The following MEIS3 variants were observed in gnomAD, a reference collection of about 807,000 sequenced individuals.
The protein encoded by MEIS3 is Meis homeobox 3.
Under a neutral mutation model 51.4 loss-of-function variants are expected in MEIS3, and 38 were observed. The observed-to-expected ratio is 0.74, with a 90% confidence interval of 0.57 to 0.97. MEIS3 has a LOEUF of 0.97. Among genes scored for constraint, MEIS3 ranks in the 50% least tolerant of loss-of-function variants. The pLI is 0.00. For missense variants in MEIS3, 456 were observed against 502.6 expected, an observed-to-expected ratio of 0.91 and a Z score of 0.89; for synonymous variants, 198 against 201.8, an observed-to-expected ratio of 0.98 and a Z score of 0.16.
Position 47,406,478 on chromosome 19 carries a change from T to C in MEIS3, c.1127A>G (p.Ter376TrpextTer12), listed in dbSNP as rs1416069067. ...LNLEGEWHYL* is the reference protein window; with the variant it reads ...LNLEGEWHYLW ...CTCACACCTCTCCTGCATCAGCCTC[T>C]ATAGATAATGCCATTCTCCTTCCAA... Residue 376 changes from the stop codon to tryptophan, a stop_lost, in exon 12 of 13, where the codon TAG becomes TGG. Coordinates refer to ENST00000558555, the MANE Select transcript of MEIS3 (RefSeq NM_001301059.2). 2.5e-6 allele frequency: 4 copies of C among 1,613,736 alleles called. No homozygotes were observed. In the Admixed American group the frequency reaches 5.0e-5, roughly 20 times the overall value.
rs1347230133 is a variant in MEIS3, at chr19:47,416,460, T to A, written c.396+192A>T. The stretch of plus-strand genomic sequence containing the variant: ...AGCTGGTGAGTGGCAGAGCTGGGAT[T>A]TGAACTCGGGCCATGGGTCCCGTTC... On this transcript the variant is annotated intron_variant, in intron 4 of 12. Coordinates refer to ENST00000558555, the MANE Select transcript of MEIS3 (RefSeq NM_001301059.2). 3 of 546,076 alleles carry A rather than the reference T, an allele frequency of 5.5e-6. No individual in the cohort carries two copies. The East Asian group carries it at 1.0e-4, about 18-fold the overall frequency. The allele number at this position is 546,076 out of a possible 1,614,324, so 33.8% of individuals were successfully genotyped here.
chr19:47,416,828 C>CTCGACA lies in MEIS3; in HGVS notation c.320_321insTGTCGA (p.Asn106_Glu107insAspVal), dbSNP rs769944731. 42 of 1,613,724 alleles carry CTCGACA rather than the reference C, an allele frequency of 2.6e-5. No individual in the cohort carries two copies. Among genetic ancestry groups the CTCGACA allele is most frequent in the Admixed American group, 5.0e-5 (3 of 59,908 alleles). On this transcript the variant is annotated inframe_insertion, in exon 3 of 13. Transcript: ENST00000558555. ...CCTGCTTGGCAAAGGCAGCGATGTC[C>CTCGACA]TCGTTGAAGGAATCAGAGGAGCAGA...
At chr19:47,407,274 C>T (rs956970103) in intron 9 of MEIS3, 78 bp downstream of exon 9, 10 of 1,534,868 alleles carry the variant, frequency 6.5e-6, no homozygotes, top group Non-Finnish European at 8.8e-6. Context: ...CTGCGGGGCT[C>T]GGGGCCTCCG....
At chr19:47,408,547 T>C (rs973402891) in intron 8 of MEIS3, among the ~76,000 whole-genome samples, 1 of 152,154 alleles carries the variant, frequency 6.6e-6, no homozygotes, top group African/African-American at 2.4e-5. Flanking sequence ...AGTTTCTGTC[T>C]GTCTCTGTCC....
At chr19:47,421,625 T>G (rs1323616252), upstream of MEIS3, among the ~76,000 whole-genome samples, 3 of 152,012 alleles carry the variant, frequency 2.0e-5, no homozygotes, top group African/African-American at 7.2e-5. Flanking sequence ...AATCTGTGTC[T>G]CTGCTCAGGA....
intron 3 of MEIS3, 27 bp downstream of exon 3, chr19:47,416,776 CG>C (rs745613011): frequency 1.4e-5 from 23 of 1,612,518 alleles, no homozygotes; most frequent in Admixed American, 1.0e-4. Context: ...CTCTCTGACT[CG>C]GTGTGTGGTG....
chr19:47,421,381 C>T (rs576538590), upstream of MEIS3, among the ~76,000 whole-genome samples: 6 of 152,276 alleles, frequency 3.9e-5, no homozygotes, highest in Non-Finnish European at 8.8e-5. Context: ...GGGGCTATGC[C>T]CACCAGGCAG....
chr19:47,418,955 G>C, intron 1 of MEIS3, 115 bp downstream of exon 1: 1 of 584,258 alleles, frequency 1.7e-6, no homozygotes, highest in East Asian at 3.6e-5. Flanking sequence ...CAGAGAGAGA[G>C]CGAGGTGGTG....
In MEIS3 at chr19:47,407,068, T is replaced by C. The variant is rs1349486557; in HGVS notation, c.994+11A>G. On this transcript the variant is annotated intron_variant, in intron 10 of 12. Coordinates refer to ENST00000558555, the MANE Select transcript of MEIS3 (RefSeq NM_001301059.2). ...AACCCCAGGCTCTCCGTCCCCGCCT[T>C]CCCCCTGTACCTGTGCGGTTGGATT... The C allele has an allele frequency of 6.2e-7, 1 of 1,607,846 alleles. No homozygotes were observed. The highest frequency in any genetic ancestry group is 2.2e-5 in the East Asian group (1 of 44,708).
chr19:47,418,902 G>A (rs562617409), intron 1 of MEIS3, 168 bp downstream of exon 1: 1 of 411,568 alleles, frequency 2.4e-6, no homozygotes, highest in African/African-American at 2.1e-5. Context: ...GGGGCAGAGA[G>A]GGGGCACACA....
upstream of MEIS3, among the ~76,000 whole-genome samples, chr19:47,421,905 C>T (rs1385272164): frequency 6.6e-6 from 1 of 151,636 alleles, no homozygotes; most frequent in African/African-American, 2.4e-5. Flanking sequence ...TCCCTGTCCC[C>T]CCCACCGTAT....
intron 3 of MEIS3, 28 bp from the exon 4 acceptor site, chr19:47,416,730 G>A: frequency 1.9e-6 from 3 of 1,608,824 alleles, no homozygotes; most frequent in Non-Finnish European, 2.5e-6. Context: ...GGCCGGCAGG[G>A]GGATGTCCCG....
intron 8 of MEIS3, chr19:47,407,712 G>T (rs866776050): frequency 1.8e-6 from 1 of 569,092 alleles, no homozygotes; most frequent in East Asian, 3.3e-5. Flanking sequence ...CCTGTGGCGT[G>T]GGGGAGGGGC....
chr19:47,411,643 C>T (rs1488604617), intron 6 of MEIS3, among the ~76,000 whole-genome samples: 8 of 150,408 alleles, frequency 5.3e-5, no homozygotes, highest in African/African-American at 1.5e-4. Flanking sequence ...TGGGTTCAGG[C>T]GATTCTCCTG....
chr19:47,411,876 C>T (rs1471834576), intron 6 of MEIS3, among the ~76,000 whole-genome samples: 2 of 151,760 alleles, frequency 1.3e-5, no homozygotes, highest in African/African-American at 2.4e-5. Context: ...CAGAGTCTTG[C>T]TCTGTCACCT....
At chr19:47,406,579 A>G in intron 11 of MEIS3, 53 bp from the exon 12 acceptor site, 1 of 1,557,466 alleles carries the variant, frequency 6.4e-7, no homozygotes, top group Non-Finnish European at 8.9e-7. Flanking sequence ...ACACCCCCAG[A>G]TGCCTCTAAG....
chr19:47,416,785 G>C lies in MEIS3; in HGVS notation c.345+19C>G, dbSNP rs1455894928. 4.3e-6 allele frequency: 7 copies of C among 1,613,050 alleles called. No individual in the cohort carries two copies. In the Admixed American group the frequency reaches 6.7e-5, roughly 15 times the overall value. On this transcript the variant is annotated intron_variant, in intron 3 of 12. Coordinates refer to ENST00000558555, the MANE Select transcript of MEIS3 (RefSeq NM_001301059.2). ...CGCTGGCTCTCTGACTCGGTGTGTG[G>C]TGGGTGGGAGGTGCCCACCTGCTTG... is the stretch of plus-strand genomic sequence containing the variant.
chr19:47,415,794 A>C (rs1475433457), intron 4 of MEIS3: 1 of 152,352 alleles, frequency 6.6e-6, no homozygotes, highest in African/African-American at 2.4e-5. Flanking sequence ...GCTGGTCTCG[A>C]ACTCCTGACC....
chr19:47,410,213 C>T (rs1471313930), intron 6 of MEIS3, among the ~76,000 whole-genome samples: 2 of 151,548 alleles, frequency 1.3e-5, no homozygotes, highest in Admixed American at 6.6e-5. Flanking sequence ...TTTGGGAGGC[C>T]GAGGCAGGCG....
Sources: gnomAD v4.1 joint callset for allele counts (sites outside exome capture counted in the v4.1 genomes callset) on GRCh38, gnomAD v4.1.1 for gene constraint, MANE v1.5 for transcripts, NCBI Gene and HGNC (gene_info 2026-07-23, HGNC 2026-07-21) for gene names.